Variants in ALK observed in about 807,000 individuals in gnomAD.
ALK encodes ALK tyrosine kinase receptor.
In ALK, 74 loss-of-function variants were observed where a neutral mutation model predicts 163.1. The observed-to-expected ratio is 0.45, with a 90% CI of 0.38 to 0.55. The LOEUF (loss-of-function observed/expected upper bound fraction) is 0.55, where lower values mean the gene tolerates loss of function less well. Ranked by LOEUF, ALK falls within the 20% of genes least tolerant of loss-of-function variation. The pLI, the probability that ALK is intolerant of heterozygous loss-of-function variation, is 0.00. For synonymous variants in ALK, 960 were observed against 843.2 expected (o/e 1.14, Z -2.40); for missense variants, 2,063 against 2,105.3 (o/e 0.98, Z 0.39).
chr2:29,641,175 C>T (rs988188530), intron 3 of ALK, among the ~76,000 whole-genome samples: 1 of 151,924 alleles, frequency 6.6e-6, no homozygotes, highest in Admixed American at 6.6e-5. Context: ...CAGATATTGG[C>T]AGGTTTCAAG....
intron 3 of ALK, among the ~76,000 whole-genome samples, chr2:29,541,969 G>GT (rs1673425528): frequency 6.6e-6 from 1 of 152,132 alleles, no homozygotes. Context: ...ACTATAACCT[G>GT]TTTTGGCCAT....
At chr2:29,909,835 C>T (rs546428647) in intron 1 of ALK, among the ~76,000 whole-genome samples, 1 of 152,254 alleles carries the variant, frequency 6.6e-6, no homozygotes, top group East Asian at 1.9e-4. Flanking sequence ...TCTCTAAACT[C>T]CCTCAAACAA....
intron 3 of ALK, chr2:29,681,011 T>C (rs919666453): frequency 5.9e-5 from 9 of 152,228 alleles, no homozygotes; most frequent in African/African-American, 2.2e-4. Context: ...TTTTTATTTT[T>C]ACGTTTTAAT....
chr2:29,264,484 A>G (rs1665163554), intron 11 of ALK, among the ~76,000 whole-genome samples: 1 of 152,216 alleles, frequency 6.6e-6, no homozygotes, highest in Non-Finnish European at 1.5e-5. Context: ...CTTTGAAATG[A>G]TGCTGTCTAT....
intron 4 of ALK, among the ~76,000 whole-genome samples, chr2:29,525,616 C>T (rs1304622012): frequency 6.6e-6 from 1 of 151,650 alleles, no homozygotes; most frequent in African/African-American, 2.4e-5. Context: ...ATGGTAAAAC[C>T]CTGTCTCTAC....
intron 4 of ALK, among the ~76,000 whole-genome samples, chr2:29,442,743 G>C (rs1158392691): frequency 6.6e-6 from 1 of 152,190 alleles, no homozygotes; most frequent in African/African-American, 2.4e-5. Context: ...ATGAACTTTC[G>C]ACTGGGCACT....
intron 5 of ALK, among the ~76,000 whole-genome samples, chr2:29,337,648 C>A (rs150985867): frequency 2.0e-5 from 3 of 152,278 alleles, no homozygotes; most frequent in East Asian, 3.9e-4. Context: ...AGTCTGAGAA[C>A]CTCTGGTGCC....
intron 2 of ALK, among the ~76,000 whole-genome samples, chr2:29,696,077 A>G (rs945649440): frequency 2.6e-5 from 4 of 152,220 alleles, no homozygotes; most frequent in African/African-American, 9.6e-5. Context: ...ATAAACAGAC[A>G]TGCCTACATA....
intron 8 of ALK, among the ~76,000 whole-genome samples, chr2:29,315,795 G>C (rs893791675): frequency 1.3e-5 from 2 of 152,184 alleles, no homozygotes; most frequent in African/African-American, 4.8e-5. Context: ...GTGGTGTCTT[G>C]AGATAGTGTA....
At chr2:29,478,757 TCA>T (rs1414089265) in intron 4 of ALK, among the ~76,000 whole-genome samples, 2 of 152,168 alleles carry the variant, frequency 1.3e-5, no homozygotes, top group Non-Finnish European at 2.9e-5. Flanking sequence ...AAAGAGGACC[TCA>T]GTGTTTAAGC....
chr2:29,818,558 G>A (rs1172204672), intron 1 of ALK, among the ~76,000 whole-genome samples: 1 of 152,230 alleles, frequency 6.6e-6, no homozygotes, highest in Non-Finnish European at 1.5e-5. Flanking sequence ...AATCTGCAGC[G>A]CCTGCTGTTC....
intron 3 of ALK, among the ~76,000 whole-genome samples, chr2:29,550,329 C>T (rs1438666958): frequency 1.3e-5 from 2 of 151,944 alleles, no homozygotes; most frequent in Admixed American, 1.3e-4. Context: ...GGGCCCAGAG[C>T]CCAGGAGCTC....
At chr2:29,709,943 C>T (rs1260035346) in intron 2 of ALK, among the ~76,000 whole-genome samples, 4 of 152,160 alleles carry the variant, frequency 2.6e-5, no homozygotes, top group African/African-American at 4.8e-5. Flanking sequence ...ACTTCCTTGG[C>T]TTTGCTGTTG....
chr2:29,332,559 C>T (rs998219940), intron 5 of ALK, among the ~76,000 whole-genome samples: 13 of 152,120 alleles, frequency 8.5e-5, no homozygotes, highest in Admixed American at 1.3e-4. Context: ...ACCCAGAGGC[C>T]ACCATTTTTA....
chr2:29,234,997 G>A lies in ALK; in HGVS notation c.2356-1301C>T, dbSNP rs565218516. ...CAAAGTGCTGGGATTACAGGCGTGA[G>A]CCACCGTGCCCAGCCAGCTGCTGTT... On this transcript the variant is annotated intron_variant, in intron 13 of 28. Transcript: ENST00000389048. 3.9e-5 allele frequency among the ~76,000 whole-genome samples: 6 copies of A among 152,336 alleles called. No individual in the cohort carries two copies. In the East Asian group the frequency reaches 1.2e-3, roughly 29 times the overall value.
intron 1 of ALK, among the ~76,000 whole-genome samples, chr2:29,756,715 C>A (rs983227793): frequency 6.6e-6 from 1 of 152,048 alleles, no homozygotes; most frequent in Non-Finnish European, 1.5e-5. Context: ...TTAGTAGAGA[C>A]AGGGTTTCAC....
rs1233503561 is a variant in ALK, at chr2:29,192,917, A to G, written c.*307T>C. On this transcript the variant is annotated 3_prime_UTR_variant, in exon 29 of 29. Coordinates refer to ENST00000389048, the MANE Select transcript of ALK (RefSeq NM_004304.5). ...TTCTGACTACATTGAAGCAGAGCACACACAATTTGAAAGAAGCATAAGGAA... is the reference window on the plus strand; with the variant it reads ...TTCTGACTACATTGAAGCAGAGCACGCACAATTTGAAAGAAGCATAAGGAA... 16 of 451,950 alleles carry G rather than the reference A, an allele frequency of 3.5e-5. 1 individual carries two copies. Among genetic ancestry groups the G allele is most frequent in the East Asian group, 3.5e-4 (9 of 25,462 alleles). 28.0% of individuals were successfully genotyped at this position (451,950 alleles called of 1,614,324 possible). A position where few individuals can be genotyped will look rare whatever the true frequency, so the allele number is the denominator to read the frequency against.
At chr2:29,476,912 T>C (rs1420931609) in intron 4 of ALK, among the ~76,000 whole-genome samples, 2 of 152,190 alleles carry the variant, frequency 1.3e-5, no homozygotes, top group Non-Finnish European at 2.9e-5. Context: ...CTTGCCCTTT[T>C]ATCGTTGGTT....
intron 8 of ALK, among the ~76,000 whole-genome samples, chr2:29,298,241 C>G (rs1352321490): frequency 6.6e-6 from 1 of 152,228 alleles, no homozygotes; most frequent in East Asian, 1.9e-4. Context: ...ACAGACACTT[C>G]ACTTACACCT....
Sources: gnomAD v4.1 joint callset for allele counts (sites outside exome capture counted in the v4.1 genomes callset) on GRCh38, gnomAD v4.1.1 for gene constraint, MANE v1.5 for transcripts, NCBI Gene and HGNC (gene_info 2026-07-23, HGNC 2026-07-21) for gene names.